Variants in SEMA5A observed in about 807,000 individuals in gnomAD.
SEMA5A encodes semaphorin 5A, also known as semaphorin-5A.
In SEMA5A, 55 loss-of-function variants were observed where a neutral mutation model predicts 135.5. The observed-to-expected ratio is 0.41, with a 90% CI of 0.33 to 0.51. The LOEUF (loss-of-function observed/expected upper bound fraction) is 0.51. SEMA5A is among the 20% of genes least tolerant of loss of function. SEMA5A has a pLI of 0.37. For synonymous variants in SEMA5A, 580 were observed against 546.5 expected, an observed-to-expected ratio of 1.06 and a Z score of -0.85; for missense variants, 1,290 against 1,419.9, an observed-to-expected ratio of 0.91 and a Z score of 1.47.
At chr5:9,269,792 A>G (rs2150535540) in intron 5 of SEMA5A, among the ~76,000 whole-genome samples, 1 of 152,286 alleles carries the variant, frequency 6.6e-6, no homozygotes, top group East Asian at 1.9e-4. Context: ...CTGCATATGC[A>G]AAACATAAGA....
intron 11 of SEMA5A, among the ~76,000 whole-genome samples, chr5:9,186,569 C>T (rs558970246): frequency 6.6e-6 from 1 of 152,266 alleles, no homozygotes; most frequent in Non-Finnish European, 1.5e-5. Flanking sequence ...GAATGTCTTA[C>T]CCATGCTCTA....
At chr5:9,240,839 A>C (rs1438958943) in intron 5 of SEMA5A, among the ~76,000 whole-genome samples, 1 of 152,150 alleles carries the variant, frequency 6.6e-6, no homozygotes, top group Non-Finnish European at 1.5e-5. Context: ...ACTTGTATTC[A>C]AAAGATGTTT....
intron 6 of SEMA5A, among the ~76,000 whole-genome samples, chr5:9,236,337 C>T (rs934044198): frequency 6.6e-6 from 1 of 152,162 alleles, no homozygotes; most frequent in Non-Finnish European, 1.5e-5. Flanking sequence ...CCACCCCTCA[C>T]TTCATGTAAG....
intron 16 of SEMA5A, among the ~76,000 whole-genome samples, chr5:9,096,085 C>T (rs953508875): frequency 3.9e-5 from 6 of 152,138 alleles, no homozygotes; most frequent in African/African-American, 1.4e-4. Context: ...AAGGAATCTC[C>T]ACACTGTTTT....
At chr5:9,429,420 A>G (rs57383634) in intron 2 of SEMA5A, among the ~76,000 whole-genome samples, 5,110 of 152,348 alleles carry the variant, frequency 0.034, 99 homozygotes, top group African/African-American at 0.037. Flanking sequence ...TGGAGCAGTG[A>G]GTGAACAAAA....
intron 5 of SEMA5A, among the ~76,000 whole-genome samples, chr5:9,265,800 G>T (rs916291285): frequency 3.9e-5 from 6 of 152,190 alleles, no homozygotes; most frequent in African/African-American, 1.4e-4. Context: ...ACAGGATTCA[G>T]CAAGCCCTGG....
chr5:9,190,255 C>T lies in SEMA5A; in HGVS notation c.1273+12G>A. On this transcript the variant is annotated intron_variant, in intron 11 of 22. Coordinates refer to ENST00000382496, the MANE Select transcript of SEMA5A (RefSeq NM_003966.3). ...TGGTAGAAAACCCCTCAGAGGGGGCCAGAGCTCCTACCTGTGGCCAAATAG... is the reference window on the plus strand; with the variant it reads ...TGGTAGAAAACCCCTCAGAGGGGGCTAGAGCTCCTACCTGTGGCCAAATAG... 2 of 1,613,508 alleles carry T rather than the reference C, an allele frequency of 1.2e-6. No homozygotes were observed. Among genetic ancestry groups the T allele is most frequent in the Non-Finnish European group, 1.7e-6 (2 of 1,179,702 alleles).
intron 5 of SEMA5A, among the ~76,000 whole-genome samples, chr5:9,279,541 G>A (rs1403873169): frequency 6.6e-6 from 1 of 152,084 alleles, no homozygotes; most frequent in African/African-American, 2.4e-5. Context: ...TTTGGGAGGG[G>A]CTGGGGCAGA....
chr5:9,045,569 G>T (rs544136996), intron 21 of SEMA5A, among the ~76,000 whole-genome samples: 29 of 152,210 alleles, frequency 1.9e-4, no homozygotes, highest in Admixed American at 3.3e-4. Context: ...GTGCCCTTCC[G>T]GAGATACTCA....
intron 1 of SEMA5A, among the ~76,000 whole-genome samples, chr5:9,451,422 T>G (rs1317321028): frequency 6.6e-6 from 1 of 152,184 alleles, no homozygotes; most frequent in African/African-American, 2.4e-5. Flanking sequence ...TGCTTCTCTT[T>G]TTCAGGGTAC....
chr5:9,186,787 C>T (rs1744832232), intron 11 of SEMA5A, among the ~76,000 whole-genome samples: 1 of 152,004 alleles, frequency 6.6e-6, no homozygotes, highest in African/African-American at 2.4e-5. Flanking sequence ...TTGAGAAATC[C>T]ATCACCTAAA....
At chr5:9,449,303 G>A (rs1758548959) in intron 1 of SEMA5A, among the ~76,000 whole-genome samples, 3 of 152,068 alleles carry the variant, frequency 2.0e-5, no homozygotes, top group Admixed American at 2.0e-4. Flanking sequence ...TATCCTCAGC[G>A]AACTAATGCA....
intron 21 of SEMA5A, among the ~76,000 whole-genome samples, chr5:9,050,173 G>C (rs1331324833): frequency 2.0e-5 from 3 of 152,114 alleles, no homozygotes; most frequent in Non-Finnish European, 4.4e-5. Flanking sequence ...TTCCCATCAA[G>C]TTCCCAGGCC....
At chr5:9,075,046 C>T (rs1260502908) in intron 16 of SEMA5A, among the ~76,000 whole-genome samples, 3 of 152,156 alleles carry the variant, frequency 2.0e-5, no homozygotes, top group African/African-American at 7.2e-5. Flanking sequence ...TTTCTTTCCA[C>T]TACTCTTACT....
At chr5:9,247,873 A>G (rs1468781012) in intron 5 of SEMA5A, among the ~76,000 whole-genome samples, 2 of 152,166 alleles carry the variant, frequency 1.3e-5, no homozygotes, top group African/African-American at 4.8e-5. Flanking sequence ...TGTTCAAGAA[A>G]CACATTATTT....
chr5:9,247,005 G>A (rs1234468808), intron 5 of SEMA5A, among the ~76,000 whole-genome samples: 1 of 152,154 alleles, frequency 6.6e-6, no homozygotes, highest in East Asian at 1.9e-4. Flanking sequence ...TAGTTAAAGG[G>A]TTCAAAAGGG....
intron 6 of SEMA5A, among the ~76,000 whole-genome samples, chr5:9,234,053 C>T (rs1747778799): frequency 1.3e-5 from 2 of 152,300 alleles, no homozygotes; most frequent in South Asian, 4.1e-4. Context: ...TCAGCACAAG[C>T]AAAACTACAA....
rs929103620 is a variant in SEMA5A at position 9,125,971 on chromosome 5, G to A, written c.1600-3134C>T. ...GTAGTTCCTATGCTTACACATCCTC[G>A]CCTGCTTTCACATCCAGACTCCTGC... On this transcript the variant is annotated intron_variant, in intron 13 of 22. Transcript: ENST00000382496. Among the ~76,000 whole-genome samples, 8 of 151,998 alleles carry A rather than the reference G, an allele frequency of 5.3e-5. No individual in the cohort carries two copies. The East Asian group carries it at 5.8e-4, about 11-fold the overall frequency.
In SEMA5A at chr5:9,384,605, T is replaced by TAGAC. The variant is rs1755769937; in HGVS notation, c.-77-4583_-77-4582insGTCT. ...ATAGATAGATAGATAGATAGATAGA[T>TAGAC]AGATAGATAGATACATAGATAGATA... On this transcript the variant is annotated intron_variant, in intron 2 of 22. Coordinates refer to ENST00000382496, the MANE Select transcript of SEMA5A (RefSeq NM_003966.3). Among the ~76,000 whole-genome samples, 7 of 127,606 alleles carry TAGAC rather than the reference T, an allele frequency of 5.5e-5. 1 individual carries two copies. The highest frequency in any genetic ancestry group is 1.6e-4 in the Admixed American group (2 of 12,470). 83.7% of individuals were successfully genotyped at this position (127,606 alleles called of 152,430 possible).
Sources: allele counts gnomAD v4.1 joint callset (sites outside exome capture counted in the v4.1 genomes callset), GRCh38; gene constraint gnomAD v4.1.1; transcripts MANE v1.5; gene names NCBI Gene and HGNC (gene_info 2026-07-23, HGNC 2026-07-21).